Variants in GRM4 observed in about 807,000 individuals in gnomAD.
The protein encoded by GRM4 is metabotropic glutamate receptor 4.
In GRM4, 28 loss-of-function variants were observed where a neutral mutation model predicts 81.7. That is an observed-to-expected ratio of 0.34 (90% CI 0.25 to 0.47). The LOEUF (loss-of-function observed/expected upper bound fraction) is 0.47, where lower values mean the gene tolerates loss of function less well. GRM4 is among the 20% of genes least tolerant of loss of function. The pLI is 1.00. For synonymous variants in GRM4, 488 were observed against 528.8 expected (o/e 0.92, Z 1.06); for missense variants, 948 against 1,290.0 (o/e 0.73, Z 4.06).
At chr6:34,084,509 G>A (rs757837699) in intron 3 of GRM4, among the ~76,000 whole-genome samples, 1 of 152,168 alleles carries the variant, frequency 6.6e-6, no homozygotes, top group Non-Finnish European at 1.5e-5. Flanking sequence ...GGCACCTGCA[G>A]GGAGGAGGGG....
chr6:34,040,636 C>T lies in GRM4; in HGVS notation c.1281G>A (p.Leu427=), dbSNP rs1015438905. The change falls in exon 7 of 11, where the codon CTG becomes CTA. Residue 427 remains leucine (L), a synonymous_variant. Coordinates refer to ENST00000538487, the MANE Select transcript of GRM4 (RefSeq NM_000841.4). ...GHALHAMHRD[L]CPGRVGLCPR... is the part of the protein sequence containing the mutation. ...GGCAGAGCCCCACGCGGCCGGGACA[C>T]AGGTCACGGTGCATGGCGTGCAGCG... is the stretch of plus-strand genomic sequence containing the variant. 1.2e-6 allele frequency: 2 copies of T among 1,614,150 alleles called. No homozygotes were observed. Among genetic ancestry groups the T allele is most frequent in the Non-Finnish European group, 1.7e-6 (2 of 1,179,976 alleles).
intron 8 of GRM4, among the ~76,000 whole-genome samples, chr6:34,039,155 G>A (rs769834422): frequency 1.2e-4 from 19 of 152,154 alleles, no homozygotes; most frequent in Non-Finnish European, 2.8e-4. Context: ...GGAACAGGCT[G>A]TTCCTGCCAC....
At position 34,022,457 on chromosome 6, in the gene GRM4, C is replaced by T. The variant is rs192860479; in HGVS notation, c.*364G>A. ...ACAAAGAGATAAGAGAACAGAAAGA[C>T]AGGGCTGGAGACAGACAGAGGGGTC... On this transcript the variant is annotated 3_prime_UTR_variant, in exon 11 of 11. Coordinates refer to ENST00000538487, the MANE Select transcript of GRM4 (RefSeq NM_000841.4). The surrounding 1 kb of genome is among the most constrained non-coding windows in gnomAD (Gnocchi z 5.6). 2.7e-4 allele frequency: 74 copies of T among 273,834 alleles called. No individual in the cohort carries two copies. Among genetic ancestry groups the T allele is most frequent in the African/African-American group, 1.6e-3 (73 of 45,536 alleles). 17.0% of individuals were successfully genotyped at this position (273,834 alleles called of 1,614,324 possible). A position where few individuals can be genotyped will look rare whatever the true frequency, so the allele number is the denominator to read the frequency against.
Position 34,061,958 on chromosome 6 carries a change from G to C in GRM4, c.807C>G (p.Ile269Met), listed in dbSNP as rs745834612. ...CGTTCGAAGTCTCCAGGAGGCGGCG[G>C]ATGATCTTGTCGAACTCGCCTGCCT... The part of the protein sequence containing the change: ...EPKAGEFDKI[I>M]RRLLETSNAR... The change falls in exon 4 of 11, where the codon ATC (isoleucine) becomes ATG (methionine). Residue 269 changes from isoleucine to methionine, a missense_variant. Ile to Met is a conservative substitution (Grantham distance 10). Transcript: ENST00000538487. 6.2e-7 allele frequency: 1 copy of C among 1,614,038 alleles called. No homozygotes were observed. Among genetic ancestry groups the C allele is most frequent in the South Asian group, 1.1e-5 (1 of 91,070 alleles).
intron 2 of GRM4, among the ~76,000 whole-genome samples, chr6:34,113,917 A>G (rs1309303684): frequency 3.3e-5 from 5 of 152,104 alleles, no homozygotes; most frequent in Non-Finnish European, 5.9e-5. Flanking sequence ...CAACCCTGCC[A>G]CACCTTCCCC....
intron 10 of GRM4, chr6:34,024,328 G>A (rs551202896): frequency 4.6e-6 from 1 of 217,560 alleles, no homozygotes; most frequent in East Asian, 9.8e-5. Context: ...TCCCTTCCAT[G>A]AGCAGAACAA....
At position 34,022,790 on chromosome 6, in the gene GRM4, C is replaced by A. The variant is rs1316970510; in HGVS notation, c.*31G>T. The A allele has an allele frequency of 6.2e-7, 1 of 1,601,684 alleles. No individual in the cohort carries two copies. Among genetic ancestry groups the A allele is most frequent in the East Asian group, 2.2e-5 (1 of 44,832 alleles). ...ACGCACCTTCCACAGGGTCACGGCT[C>A]CTCCTCCTGCTGCTCAGCTCCATGG... is the stretch of plus-strand genomic sequence containing the variant. On this transcript the variant is annotated 3_prime_UTR_variant, in exon 11 of 11. Coordinates refer to ENST00000538487, the MANE Select transcript of GRM4 (RefSeq NM_000841.4). The surrounding 1 kb of genome is among the most constrained non-coding windows in gnomAD (Gnocchi z 5.6).
chr6:34,092,196 C>A lies in GRM4; in HGVS notation c.520-97G>T. Reference sequence around the variant, plus strand: ...CACACCAACCTCCCTTTGGTCCCCACAGCCTTGGGACCACCACAGCCCACC... The same window carrying A: ...CACACCAACCTCCCTTTGGTCCCCAAAGCCTTGGGACCACCACAGCCCACC... On this transcript the variant is annotated intron_variant, in intron 2 of 10. Coordinates refer to ENST00000538487, the MANE Select transcript of GRM4 (RefSeq NM_000841.4). This position sits in a 1 kb window ranked among gnomAD's most constrained non-coding sequence, Gnocchi z 6.8. 7.7e-6 allele frequency: 6 copies of A among 782,556 alleles called. No homozygotes were observed. Among genetic ancestry groups the A allele is most frequent in the African/African-American group, 1.7e-5 (1 of 58,282 alleles). The allele number at this position is 782,556 out of a possible 1,614,324, so 48.5% of individuals were successfully genotyped here.
chr6:34,138,424 T>C (rs1469517803), intron 1 of GRM4, among the ~76,000 whole-genome samples: 1 of 152,234 alleles, frequency 6.6e-6, no homozygotes, highest in African/African-American at 2.4e-5. Context: ...TGAATGGCTG[T>C]GTGGAGTCTG....
intron 2 of GRM4, among the ~76,000 whole-genome samples, chr6:34,117,747 C>T (rs1338457336): frequency 1.3e-5 from 2 of 152,152 alleles, no homozygotes; most frequent in Non-Finnish European, 2.9e-5. Context: ...CTGTCTTTCC[C>T]ATGATAACCG....
At chr6:34,037,661 G>A (rs1345744692) in intron 8 of GRM4, among the ~76,000 whole-genome samples, 2 of 152,022 alleles carry the variant, frequency 1.3e-5, no homozygotes, top group East Asian at 1.9e-4. Flanking sequence ...TCAAGAGATC[G>A]AGACCAGCCT....
chr6:34,037,314 G>A (rs1764763952), intron 8 of GRM4, among the ~76,000 whole-genome samples: 1 of 152,232 alleles, frequency 6.6e-6, no homozygotes, highest in African/African-American at 2.4e-5. Flanking sequence ...AGAGCCACAC[G>A]AGTGTTGTCA....
At chr6:34,039,899 C>A (rs896703423) in intron 8 of GRM4, among the ~76,000 whole-genome samples, 1 of 152,058 alleles carries the variant, frequency 6.6e-6, no homozygotes, top group Non-Finnish European at 1.5e-5. Flanking sequence ...AGAGTCCCCC[C>A]ATCCCCTCCT....
intron 2 of GRM4, among the ~76,000 whole-genome samples, chr6:34,120,450 T>C (rs1008572921): frequency 6.6e-6 from 1 of 152,176 alleles, no homozygotes; most frequent in East Asian, 1.9e-4. Flanking sequence ...CTAATTGATT[T>C]TGTGTCTGTG....
At chr6:34,154,555 A>G (rs1771107852) in intron 1 of GRM4, among the ~76,000 whole-genome samples, 1 of 151,604 alleles carries the variant, frequency 6.6e-6, no homozygotes, top group African/African-American at 2.4e-5. Flanking sequence ...GGATGGACAG[A>G]CAGATGGGAG....
At position 34,141,890 on chromosome 6, in the gene GRM4, A is replaced by C. The variant is rs116117046; in HGVS notation, c.-364+4110T>G. 9.8e-3 allele frequency among the ~76,000 whole-genome samples: 1,500 copies of C among 152,314 alleles called. 6 individuals carry two copies. Among genetic ancestry groups the C allele is most frequent in the Middle Eastern group, 0.02 (6 of 294 alleles). ...TTGTGAAGGAGGAACTACCAGCCTC[A>C]GGTTCATCTGGGAGGCAGCAGGGAG... On this transcript the variant is annotated intron_variant, in intron 1 of 10. Transcript: ENST00000538487.
intron 2 of GRM4, among the ~76,000 whole-genome samples, chr6:34,094,251 G>A (rs975735265): frequency 1.3e-5 from 2 of 152,188 alleles, no homozygotes; most frequent in Admixed American, 6.5e-5. Context: ...GCAAGTGGCC[G>A]AGACAGGATA....
intron 2 of GRM4, among the ~76,000 whole-genome samples, chr6:34,127,572 T>C (rs1295658228): frequency 2.6e-5 from 4 of 152,142 alleles, no homozygotes; most frequent in African/African-American, 9.7e-5. Flanking sequence ...ATCTGGGTTT[T>C]AGAAAGATCT....
At chr6:34,117,668 G>A (rs1423121589) in intron 2 of GRM4, among the ~76,000 whole-genome samples, 1 of 152,126 alleles carries the variant, frequency 6.6e-6, no homozygotes, top group Non-Finnish European at 1.5e-5. Flanking sequence ...GGGACACCTG[G>A]CTGCCTCCTA....
Sources: gnomAD v4.1 joint callset for allele counts (sites outside exome capture counted in the v4.1 genomes callset) on GRCh38, gnomAD v4.1.1 for gene constraint, Gnocchi (gnomAD v3.1) non-coding constraint, MANE v1.5 for transcripts, NCBI Gene and HGNC (gene_info 2026-07-23, HGNC 2026-07-21) for gene names.